SNTG2: variants seen among roughly 807,000 people sequenced by gnomAD.
SNTG2 encodes the protein syntrophin gamma 2.
In SNTG2, 74 loss-of-function variants were observed where a neutral mutation model predicts 70.9. The ratio of observed to expected loss-of-function variants is 1.04; its 90% CI spans 0.86 to 1.27. The LOEUF (loss-of-function observed/expected upper bound fraction) is 1.27, where lower values mean the gene tolerates loss of function less well. SNTG2 is among the 50% of genes most tolerant of loss of function. SNTG2 has a pLI of 0.00. For missense variants in SNTG2, 717 were observed against 690.7 expected (o/e 1.04, Z -0.43); for synonymous variants, 278 against 273.8 (o/e 1.02, Z -0.15).
In SNTG2 at chr2:965,123, T is replaced by A. The variant is rs371024277; in HGVS notation, c.72+14055T>A. 1.1e-4 allele frequency among the ~76,000 whole-genome samples: 17 copies of A among 149,728 alleles called. No individual in the cohort carries two copies. In the South Asian group the frequency reaches 3.5e-3, roughly 31 times the overall value. ...TCTCCTCCTTGGACCCCAGTCCTCC[T>A]CCTTGGACCCCAATCCTCCTCCTGG... is the stretch of plus-strand genomic sequence containing the variant. On this transcript the variant is annotated intron_variant, in intron 1 of 16. Transcript: ENST00000308624.
chr2:1,060,662 C>G (rs1419281077), intron 1 of SNTG2, among the ~76,000 whole-genome samples: 1 of 151,978 alleles, frequency 6.6e-6, no homozygotes, highest in African/African-American at 2.4e-5. Flanking sequence ...CAAATATGAA[C>G]CTAAGAATGA....
chr2:1,159,056 G>A (rs188744129), intron 6 of SNTG2, among the ~76,000 whole-genome samples: 4 of 151,838 alleles, frequency 2.6e-5, no homozygotes, highest in African/African-American at 7.3e-5. Flanking sequence ...ATGTGTCCAC[G>A]GGTGTACCTG....
chr2:1,208,586 G>A (rs1049610703), intron 8 of SNTG2, among the ~76,000 whole-genome samples: 1 of 152,150 alleles, frequency 6.6e-6, no homozygotes, highest in Non-Finnish European at 1.5e-5. Flanking sequence ...TTCCTGTCGA[G>A]AGCCGCAGAC....
intron 8 of SNTG2, among the ~76,000 whole-genome samples, chr2:1,192,525 G>A (rs1558513304): frequency 1.3e-5 from 2 of 151,876 alleles, no homozygotes; most frequent in Non-Finnish European, 2.9e-5. Flanking sequence ...TTTAATTCTT[G>A]GTAAATTAAT....
chr2:1,140,680 G>T (rs57694894), intron 6 of SNTG2, among the ~76,000 whole-genome samples: 2 of 152,204 alleles, frequency 1.3e-5, no homozygotes, highest in African/African-American at 4.8e-5. Context: ...ATATCTCAGC[G>T]CAAGAAGCTT....
chr2:1,159,083 C>A (rs995934949), intron 6 of SNTG2, among the ~76,000 whole-genome samples: 11 of 146,624 alleles, frequency 7.5e-5, no homozygotes, highest in African/African-American at 2.3e-4. Context: ...CACGTGTGTC[C>A]GTGTGTATGT....
intron 1 of SNTG2, among the ~76,000 whole-genome samples, chr2:1,041,626 G>A (rs950637248): frequency 3.3e-5 from 5 of 152,042 alleles, no homozygotes; most frequent in Non-Finnish European, 5.9e-5. Flanking sequence ...AACATGAGCA[G>A]CACCTCCCCT....
intron 12 of SNTG2, among the ~76,000 whole-genome samples, chr2:1,254,815 C>T (rs547886277): frequency 4.6e-5 from 7 of 152,194 alleles, no homozygotes; most frequent in Admixed American, 2.0e-4. Context: ...CCATCCGTTA[C>T]GTCTCTTTTG....
chr2:1,157,194 T>G (rs1669955943), intron 6 of SNTG2, among the ~76,000 whole-genome samples: 1 of 152,266 alleles, frequency 6.6e-6, no homozygotes, highest in South Asian at 2.1e-4. Context: ...GCCAGCACCC[T>G]GCAGAGTGGC....
rs540580391 is a variant in SNTG2, at chr2:1,229,941, C to T, written c.720-7947C>T. 4.3e-4 allele frequency among the ~76,000 whole-genome samples: 65 copies of T among 152,334 alleles called. 1 individual carries two copies. The highest frequency in any genetic ancestry group is 1.2e-3 in the African/African-American group (51 of 41,582). Reference sequence around the variant, plus strand: ...CCCGGAACTCCAGCTGGCCCGCAAGCGCCGCACGCAGCCCCCGTTCCCGCT... The same window carrying T: ...CCCGGAACTCCAGCTGGCCCGCAAGTGCCGCACGCAGCCCCCGTTCCCGCT... On this transcript the variant is annotated intron_variant, in intron 9 of 16. Coordinates refer to ENST00000308624, the MANE Select transcript of SNTG2 (RefSeq NM_018968.4).
chr2:1,116,225 C>T (rs574006738), intron 4 of SNTG2, among the ~76,000 whole-genome samples: 4 of 152,242 alleles, frequency 2.6e-5, no homozygotes, highest in African/African-American at 4.8e-5. Flanking sequence ...GCAGAGCTAT[C>T]GATTGCTACC....
At chr2:1,199,617 A>G (rs1279387193) in intron 8 of SNTG2, among the ~76,000 whole-genome samples, 1 of 152,090 alleles carries the variant, frequency 6.6e-6, no homozygotes, top group Non-Finnish European at 1.5e-5. Context: ...TATATATAGT[A>G]AAACCTGAAG....
intron 1 of SNTG2, among the ~76,000 whole-genome samples, chr2:1,005,842 TA>T (rs1659551153): frequency 5.0e-5 from 1 of 20,114 alleles, no homozygotes; most frequent in African/African-American, 1.6e-4. Context: ...TATATATATA[TA>T]TATATATATA....
In SNTG2 at chr2:1,237,875, TCTCC is replaced by T; in HGVS notation, c.720-7_720-4del. 1 of 1,594,562 alleles carries T rather than the reference TCTCC, an allele frequency of 6.3e-7. No individual in the cohort carries two copies. Among genetic ancestry groups the T allele is most frequent in the Non-Finnish European group, 8.5e-7 (1 of 1,170,970 alleles). On this transcript the variant is annotated splice_polypyrimidine_tract_variant and intron_variant, in intron 9 of 16. Coordinates refer to ENST00000308624, the MANE Select transcript of SNTG2 (RefSeq NM_018968.4). ...CGCTGCGGGGCCTCCTGGACAGCTC[TCTCC>T]CTCCCCAGGTGGAATGCGTTCGAGG...
intron 1 of SNTG2, among the ~76,000 whole-genome samples, chr2:1,050,345 T>A (rs1013841575): frequency 6.6e-6 from 1 of 152,214 alleles, no homozygotes; most frequent in Non-Finnish European, 1.5e-5. Flanking sequence ...TAGATCAAAA[T>A]TCCAGCTAGA....
At chr2:1,314,442 G>C (rs1360639740) in intron 15 of SNTG2, among the ~76,000 whole-genome samples, 1 of 152,246 alleles carries the variant, frequency 6.6e-6, no homozygotes, top group Non-Finnish European at 1.5e-5. Context: ...GCCTAGGCAA[G>C]GTGGAATTGG....
At chr2:985,527 C>T (rs1234783202) in intron 1 of SNTG2, among the ~76,000 whole-genome samples, 1 of 152,138 alleles carries the variant, frequency 6.6e-6, no homozygotes, top group Non-Finnish European at 1.5e-5. Flanking sequence ...CAGGCAGAGA[C>T]ACCCTGGGAG....
At chr2:1,063,224 G>A (rs1283794527) in intron 1 of SNTG2, among the ~76,000 whole-genome samples, 12 of 152,172 alleles carry the variant, frequency 7.9e-5, no homozygotes, top group Non-Finnish European at 1.2e-4. Flanking sequence ...TAGAGGAGCA[G>A]ATATCCACCG....
chr2:1,144,577 G>A (rs970797217), intron 6 of SNTG2, among the ~76,000 whole-genome samples: 4 of 152,202 alleles, frequency 2.6e-5, no homozygotes, highest in Non-Finnish European at 4.4e-5. Flanking sequence ...AGGCTTAATA[G>A]ATTCACACTT....
Sources: gnomAD v4.1 joint callset for allele counts (sites outside exome capture counted in the v4.1 genomes callset) on GRCh38, gnomAD v4.1.1 for gene constraint, MANE v1.5 for transcripts, NCBI Gene and HGNC (gene_info 2026-07-23, HGNC 2026-07-21) for gene names.